The following SGCD variants were observed in gnomAD, a reference collection of about 807,000 sequenced individuals.
SGCD encodes the protein delta-sarcoglycan.
Under a neutral mutation model 36.6 loss-of-function variants are expected in SGCD, and 18 were observed. The ratio of observed to expected loss-of-function variants is 0.49; its 90% CI spans 0.34 to 0.73. The LOEUF (loss-of-function observed/expected upper bound fraction) is 0.73, where lower values mean the gene tolerates loss of function less well. Among genes scored for constraint, SGCD ranks in the 30% least tolerant of loss-of-function variants. The probability of loss-of-function intolerance (pLI) is 0.01; values close to 1 mark genes in which losing one functional copy is unlikely to be tolerated. For synonymous variants in SGCD, 133 were observed against 130.6 expected (o/e 1.02, Z -0.12); for missense variants, 387 against 346.7 (o/e 1.12, Z -0.92).
At chr5:156,441,019 A>G (rs527843656) in intron 3 of SGCD, among the ~76,000 whole-genome samples, 1 of 152,230 alleles carries the variant, frequency 6.6e-6, no homozygotes, top group Middle Eastern at 3.4e-3. Flanking sequence ...CATATCTAAG[A>G]TGTACTGGCA....
chr5:156,346,943 G>A (rs1313628160), intron 3 of SGCD, among the ~76,000 whole-genome samples: 2 of 151,830 alleles, frequency 1.3e-5, no homozygotes, highest in Admixed American at 6.6e-5. Flanking sequence ...GACTACAGGT[G>A]CGCACCACCA....
chr5:156,522,219 G>A (rs777564142), intron 4 of SGCD, among the ~76,000 whole-genome samples: 17 of 152,200 alleles, frequency 1.1e-4, no homozygotes, highest in Non-Finnish European at 1.9e-4. Flanking sequence ...GGGAGGGATA[G>A]CATCAGGAGA....
chr5:156,570,906 T>C (rs986553163), intron 4 of SGCD, among the ~76,000 whole-genome samples: 21 of 152,354 alleles, frequency 1.4e-4, no homozygotes, highest in African/African-American at 5.0e-4. Context: ...AGCCTTTCTA[T>C]ATTGTTTTGC....
chr5:156,241,147 G>A lies in SGCD; in HGVS notation c.-43-88387G>A, dbSNP rs73811549. Among the ~76,000 whole-genome samples the A allele has an allele frequency of 3.7e-3, 563 of 152,244 alleles. 4 individuals are homozygous for A. The highest frequency in any genetic ancestry group is 0.013 in the African/African-American group (534 of 41,548). On this transcript the variant is annotated intron_variant, in intron 3 of 9. Transcript: ENST00000517913. ...TACACATAAACGATTGAGAAATTGA[G>A]ATCTGCTGAAAGTCTGAAATTTGGA...
intron 3 of SGCD, among the ~76,000 whole-genome samples, chr5:156,198,395 C>A (rs962825060): frequency 2.0e-5 from 3 of 152,136 alleles, no homozygotes; most frequent in African/African-American, 7.2e-5. Context: ...GATTGAGAGA[C>A]ACCATGCTAG....
chr5:156,218,102 C>T (rs534348697), intron 3 of SGCD, among the ~76,000 whole-genome samples: 3 of 151,894 alleles, frequency 2.0e-5, no homozygotes, highest in East Asian at 1.9e-4. Flanking sequence ...GGTGAAACCC[C>T]GTCTCTACTA....
At chr5:155,984,878 A>G (rs1380305384) in intron 1 of SGCD, among the ~76,000 whole-genome samples, 1 of 152,164 alleles carries the variant, frequency 6.6e-6, no homozygotes, top group Non-Finnish European at 1.5e-5. Flanking sequence ...TTGTTTGTTT[A>G]ATACTTCTGT....
intron 3 of SGCD, among the ~76,000 whole-genome samples, chr5:156,173,782 A>G (rs1206892064): frequency 6.6e-6 from 1 of 151,806 alleles, no homozygotes; most frequent in African/African-American, 2.4e-5. Flanking sequence ...TTCTTGTTAT[A>G]CTTACCTTGA....
intron 3 of SGCD, among the ~76,000 whole-genome samples, chr5:156,158,040 CTG>C (rs1310175715): frequency 6.7e-6 from 1 of 149,626 alleles, no homozygotes; most frequent in Non-Finnish European, 1.5e-5. Flanking sequence ...GAACAGGAAA[CTG>C]TGTAATTGGT....
intron 3 of SGCD, among the ~76,000 whole-genome samples, chr5:156,298,576 C>CTTTTTTTT (rs924228753): frequency 6.3e-5 from 7 of 110,514 alleles, no homozygotes; most frequent in Non-Finnish European, 9.0e-5. Context: ...TTTTTCTTTT[C>CTTTTTTTT]TTTTTTTTTT....
At chr5:156,631,883 G>A (rs1373829701) in intron 6 of SGCD, among the ~76,000 whole-genome samples, 1 of 152,152 alleles carries the variant, frequency 6.6e-6, no homozygotes, top group African/African-American at 2.4e-5. Context: ...GATGTAGACT[G>A]TTAGGGACAG....
At chr5:156,372,899 C>T (rs1486630331) in intron 3 of SGCD, among the ~76,000 whole-genome samples, 1 of 151,840 alleles carries the variant, frequency 6.6e-6, no homozygotes, top group Non-Finnish European at 1.5e-5. Flanking sequence ...ATATTCTCTT[C>T]AGGTCTTTCT....
intron 6 of SGCD, among the ~76,000 whole-genome samples, chr5:156,625,729 A>G (rs530120467): frequency 1.3e-5 from 2 of 152,336 alleles, no homozygotes; most frequent in South Asian, 2.1e-4. Flanking sequence ...ATGTGCAATC[A>G]CTATGATAAG....
intron 1 of SGCD, among the ~76,000 whole-genome samples, chr5:156,093,227 G>A (rs1024209377): frequency 4.6e-5 from 7 of 152,166 alleles, no homozygotes; most frequent in African/African-American, 1.4e-4. Context: ...CCAGAGTCAT[G>A]TGCTGGTTTC....
intron 7 of SGCD, among the ~76,000 whole-genome samples, chr5:156,716,357 T>C (rs547184400): frequency 6.6e-6 from 1 of 152,312 alleles, no homozygotes; most frequent in South Asian, 2.1e-4. Flanking sequence ...ATCTCACAGT[T>C]AGGAAGCACC....
At chr5:155,730,381 G>C in the SGCD span, among the ~76,000 whole-genome samples, 10 of 151,452 alleles carry the variant, frequency 6.6e-5, no homozygotes, top group African/African-American at 2.4e-4. Context: ...ATTCATGGGA[G>C]AAGCTCTGGA....
intron 6 of SGCD, among the ~76,000 whole-genome samples, chr5:156,607,495 G>A (rs1427340150): frequency 6.6e-6 from 1 of 152,200 alleles, no homozygotes; most frequent in Non-Finnish European, 1.5e-5. Context: ...AGGGATATTG[G>A]TCTAAAATTC....
chr5:156,176,181 G>A (rs1173859130), intron 3 of SGCD, among the ~76,000 whole-genome samples: 1 of 151,904 alleles, frequency 6.6e-6, no homozygotes, highest in Non-Finnish European at 1.5e-5. Context: ...CATGGCCACA[G>A]TACTTGCTAG....
chr5:156,392,062 G>GA (rs1771599487), intron 3 of SGCD, among the ~76,000 whole-genome samples: 1 of 152,172 alleles, frequency 6.6e-6, no homozygotes, highest in East Asian at 1.9e-4. Flanking sequence ...TCAAATGCAA[G>GA]AAATACTAGG....
Sources: allele counts gnomAD v4.1 joint callset (sites outside exome capture counted in the v4.1 genomes callset), GRCh38; gene constraint gnomAD v4.1.1; transcripts MANE v1.5; gene names NCBI Gene and HGNC (gene_info 2026-07-23, HGNC 2026-07-21).